Variants in FTO observed in about 807,000 individuals in gnomAD.
FTO encodes alpha-ketoglutarate-dependent dioxygenase FTO.
Under a neutral mutation model 63.9 loss-of-function variants are expected in FTO, and 47 were observed. The observed-to-expected ratio is 0.74, with a 90% CI of 0.58 to 0.94. The LOEUF (loss-of-function observed/expected upper bound fraction) is 0.94, where lower values mean the gene tolerates loss of function less well. Among genes scored for constraint, FTO ranks in the 40% least tolerant of loss-of-function variants. The pLI is 0.00. For missense variants in FTO, 562 were observed against 618.1 expected (o/e 0.91, Z 0.96); for synonymous variants, 207 against 224.4 (o/e 0.92, Z 0.69).
chr16:53,785,396 C>T (rs2077707073), intron 1 of FTO, among the ~76,000 whole-genome samples: 1 of 151,938 alleles, frequency 6.6e-6, no homozygotes, highest in Admixed American at 6.6e-5. Flanking sequence ...GGGAGAGAGA[C>T]AAAAATTAAG....
chr16:54,113,788 G>C lies in FTO; in HGVS notation c.*1873G>C, dbSNP rs2086940438. On this transcript the variant is annotated 3_prime_UTR_variant, in exon 9 of 9. Coordinates refer to ENST00000471389, the MANE Select transcript of FTO (RefSeq NM_001080432.3). ...GGGAGATTTCACATAAAATTAAAAG[G>C]TCTGCATTTTCTTTTTTCTTTTCTT... 1 of 149,706 alleles carries C rather than the reference G, an allele frequency of 6.7e-6. No homozygotes were observed. The highest frequency in any genetic ancestry group is 1.5e-5 in the Non-Finnish European group (1 of 67,756). 9.3% of individuals were successfully genotyped at this position (149,706 alleles called of 1,614,324 possible). A position where few individuals can be genotyped will look rare whatever the true frequency, so the allele number is the denominator to read the frequency against.
intron 8 of FTO, among the ~76,000 whole-genome samples, chr16:54,009,255 G>A (rs78114567): frequency 0.17 from 25,146 of 152,100 alleles, 2,802 homozygotes; most frequent in Non-Finnish European, 0.24. Context: ...AAAAAATACT[G>A]CAGGAAATAT....
chr16:53,735,873 A>G (rs552316383), intron 1 of FTO, among the ~76,000 whole-genome samples: 38 of 151,900 alleles, frequency 2.5e-4, no homozygotes, highest in African/African-American at 8.7e-4. Context: ...GTCACCTTCT[A>G]TCTTCAGTCA....
At chr16:53,868,080 C>T (rs187500173) in intron 4 of FTO, among the ~76,000 whole-genome samples, 50 of 152,004 alleles carry the variant, frequency 3.3e-4, no homozygotes, top group African/African-American at 1.1e-3. Flanking sequence ...CTGTGTGTTT[C>T]TTTGTATTTG....
rs531216102 is a variant in FTO, at chr16:54,097,928, A to C, written c.1365-13834A>C. Among the ~76,000 whole-genome samples the C allele has an allele frequency of 2.4e-4, 37 of 152,278 alleles. 1 individual carries two copies. Among genetic ancestry groups the C allele is most frequent in the Admixed American group, 8.5e-4 (13 of 15,300 alleles). ...CCTGAAGGGGTAAGGGGAGGAAGCC[A>C]TGTGGATATTTTAGGGGAGGAGTGT... is the stretch of plus-strand genomic sequence containing the variant. On this transcript the variant is annotated intron_variant, in intron 8 of 8. Coordinates refer to ENST00000471389, the MANE Select transcript of FTO (RefSeq NM_001080432.3).
At chr16:53,861,699 T>G (rs545920616) in intron 4 of FTO, among the ~76,000 whole-genome samples, 1 of 152,222 alleles carries the variant, frequency 6.6e-6, no homozygotes, top group Non-Finnish European at 1.5e-5. Context: ...TTAAATTAAA[T>G]AACAATATTT....
At chr16:54,009,367 A>G (rs2084286826) in intron 8 of FTO, among the ~76,000 whole-genome samples, 1 of 152,148 alleles carries the variant, frequency 6.6e-6, no homozygotes, top group Non-Finnish European at 1.5e-5. Flanking sequence ...TTAAAAACTT[A>G]TTTTCCGTTC....
intron 8 of FTO, among the ~76,000 whole-genome samples, chr16:54,094,876 G>T (rs549420526): frequency 6.6e-6 from 1 of 152,110 alleles, no homozygotes; most frequent in African/African-American, 2.4e-5. Context: ...GCGGAGCACC[G>T]TGACATAGAT....
At chr16:53,746,584 C>T (rs2076656532) in intron 1 of FTO, among the ~76,000 whole-genome samples, 2 of 151,770 alleles carry the variant, frequency 1.3e-5, no homozygotes. Context: ...TTGTAAATTG[C>T]CAAATCATAG....
chr16:53,839,659 A>T (rs144077816), intron 3 of FTO, among the ~76,000 whole-genome samples: 2 of 152,156 alleles, frequency 1.3e-5, no homozygotes, highest in Admixed American at 1.3e-4. Context: ...CTGTTACCCT[A>T]TGAAGATTCC....
intron 4 of FTO, among the ~76,000 whole-genome samples, chr16:53,853,733 C>G (rs1405824885): frequency 6.6e-6 from 1 of 152,052 alleles, no homozygotes; most frequent in Non-Finnish European, 1.5e-5. Flanking sequence ...AGTTGTTGGG[C>G]ACTTTGGTTG....
intron 8 of FTO, among the ~76,000 whole-genome samples, chr16:54,091,919 C>A (rs1298519531): frequency 6.6e-6 from 1 of 152,234 alleles, no homozygotes; most frequent in Non-Finnish European, 1.5e-5. Flanking sequence ...AAAGCACTTA[C>A]AGTGCCATCT....
intron 1 of FTO, among the ~76,000 whole-genome samples, chr16:53,753,136 C>T: frequency 6.6e-6 from 1 of 151,496 alleles, no homozygotes; most frequent in East Asian, 1.9e-4. Flanking sequence ...ACATGTAGTC[C>T]CAGCTACTCA....
At chr16:53,830,033 A>C (rs1405420433) in intron 3 of FTO, among the ~76,000 whole-genome samples, 1 of 152,240 alleles carries the variant, frequency 6.6e-6, no homozygotes, top group Non-Finnish European at 1.5e-5. Context: ...TTGAAGCTTA[A>C]GATCTTTCAA....
chr16:53,862,029 A>G (rs941491514), intron 4 of FTO, among the ~76,000 whole-genome samples: 1 of 152,176 alleles, frequency 6.6e-6, no homozygotes, highest in Non-Finnish European at 1.5e-5. Context: ...AGGTGGGCAG[A>G]TCAGGAGGTC....
intron 4 of FTO, among the ~76,000 whole-genome samples, chr16:53,871,736 T>TA (rs1054345846): frequency 2.0e-5 from 3 of 151,910 alleles, no homozygotes; most frequent in Non-Finnish European, 2.9e-5. Context: ...TTTTTTTTTT[T>TA]AAATTTTGAG....
At chr16:53,859,565 C>T (rs1436039593) in intron 4 of FTO, among the ~76,000 whole-genome samples, 1 of 148,856 alleles carries the variant, frequency 6.7e-6, no homozygotes, top group East Asian at 1.9e-4. Context: ...ATATATATAT[C>T]ATATATAACT....
intron 7 of FTO, among the ~76,000 whole-genome samples, chr16:53,893,736 G>T (rs990399992): frequency 6.6e-6 from 1 of 151,478 alleles, no homozygotes; most frequent in Admixed American, 6.6e-5. Flanking sequence ...AAACATTTTC[G>T]AAAGTAGTGA....
In FTO at chr16:53,837,453, C is replaced by T. The variant is rs138894093; in HGVS notation, c.752-6702C>T. ...TATGTTTGTCTTGAATTGCTTGTTT[C>T]GAGGCATCTGAGAGCGGCTTCTTGT... On this transcript the variant is annotated intron_variant, in intron 3 of 8. Transcript: ENST00000471389. Among the ~76,000 whole-genome samples, 669 of 152,202 alleles carry T rather than the reference C, an allele frequency of 4.4e-3. 5 individuals are homozygous for T. The highest frequency in any genetic ancestry group is 0.033 in the South Asian group (158 of 4,818).
Sources: gnomAD v4.1 joint callset for allele counts (sites outside exome capture counted in the v4.1 genomes callset) on GRCh38, gnomAD v4.1.1 for gene constraint, MANE v1.5 for transcripts, NCBI Gene and HGNC (gene_info 2026-07-23, HGNC 2026-07-21) for gene names.